Variants in TMEM44 observed in about 807,000 individuals in gnomAD.
The protein encoded by TMEM44 is transmembrane protein 44.
In TMEM44, 43 loss-of-function variants were observed where a neutral mutation model predicts 47.8. That is an observed-to-expected ratio of 0.90 (90% CI 0.70 to 1.16). The LOEUF is 1.16. Ranked by LOEUF, TMEM44 falls within the 50% of genes most tolerant of loss-of-function variation. The pLI is 0.00. For missense variants in TMEM44, 568 were observed against 555.2 expected (o/e 1.02, Z -0.23); for synonymous variants, 277 against 238.8 (o/e 1.16, Z -1.48).
chr3:194,622,899 G>A (rs1577216075), intron 5 of TMEM44: 2 of 257,414 alleles, frequency 7.8e-6, no homozygotes, highest in East Asian at 2.5e-4. Flanking sequence ...CCTGTCCGGT[G>A]TCAAATCTCC....
At chr3:194,598,589 G>A (rs200545049) in intron 9 of TMEM44, among the ~76,000 whole-genome samples, 64,755 of 151,930 alleles carry the variant, frequency 0.43, 14,653 homozygotes, top group East Asian at 0.77. Context: ...GTGCTGGGAA[G>A]CGATAGCCCA....
intron 3 of TMEM44, 90 bp downstream of exon 3, chr3:194,625,807 G>T: frequency 8.4e-7 from 1 of 1,190,186 alleles, no homozygotes; most frequent in Non-Finnish European, 1.2e-6. Context: ...CCTGGCTGGG[G>T]CCCGCTCTGG....
chr3:194,630,973 T>C (rs1302378340), intron 1 of TMEM44, among the ~76,000 whole-genome samples: 6 of 136,560 alleles, frequency 4.4e-5, no homozygotes, highest in Admixed American at 4.4e-4. Flanking sequence ...TCGGCATCAC[T>C]GATAGGGCCT....
intron 5 of TMEM44, chr3:194,617,748 G>C: frequency 1.4e-6 from 1 of 704,000 alleles, no homozygotes; most frequent in Non-Finnish European, 2.6e-6. Context: ...CTCATGTTGA[G>C]TCGTAATCCC....
chr3:194,609,636 C>A (rs566182098), intron 8 of TMEM44, among the ~76,000 whole-genome samples: 1 of 152,114 alleles, frequency 6.6e-6, no homozygotes, highest in Non-Finnish European at 1.5e-5. Flanking sequence ...GAGGACCCCT[C>A]GTGTAGGCCA....
chr3:194,624,304 G>A (rs1381504314), intron 3 of TMEM44, among the ~76,000 whole-genome samples: 1 of 151,060 alleles, frequency 6.6e-6, no homozygotes, highest in African/African-American at 2.4e-5. Flanking sequence ...CTGGGATTCC[G>A]GGTGTAAGCC....
chr3:194,608,968 G>A (rs963347558), intron 8 of TMEM44, among the ~76,000 whole-genome samples: 9 of 152,252 alleles, frequency 5.9e-5, no homozygotes, highest in Admixed American at 3.9e-4. Flanking sequence ...ATGACAGCCA[G>A]GAGGCTGCTG....
At chr3:194,625,729 C>T (rs111631751) in intron 3 of TMEM44, among the ~76,000 whole-genome samples, 168 bp downstream of exon 3, 2,238 of 152,340 alleles carry the variant, frequency 0.015, 56 homozygotes, top group African/African-American at 0.051. Flanking sequence ...ATCTGCCCAC[C>T]TCAGCCTCCC....
rs185063473 is a variant in TMEM44 at position 194,591,886 on chromosome 3, T to C, written c.1177-3247A>G. Among the ~76,000 whole-genome samples the C allele has an allele frequency of 7.2e-3, 1,087 of 151,984 alleles. 13 individuals carry two copies. The highest frequency in any genetic ancestry group is 0.022 in the African/African-American group (931 of 41,490). On this transcript the variant is annotated intron_variant, in intron 9 of 9. Coordinates refer to ENST00000347147, the MANE Select transcript of TMEM44 (RefSeq NM_001011655.3). ...CCTTCCAAAGTGTTGGGATTACAGG[T>C]GTGAGCCAACGTGCCCGGCCTAAAA...
chr3:194,626,750 C>A (rs1717226954), intron 2 of TMEM44, among the ~76,000 whole-genome samples: 1 of 142,574 alleles, frequency 7.0e-6, no homozygotes, highest in African/African-American at 2.6e-5. Context: ...GTGGCGTGAT[C>A]TCGGCTCACT....
chr3:194,617,090 G>A lies in TMEM44; in HGVS notation c.783+9C>T. The A allele has an allele frequency of 1.3e-6, 2 of 1,506,546 alleles. No individual in the cohort carries two copies. Among genetic ancestry groups the A allele is most frequent in the East Asian group, 5.0e-5 (2 of 40,230 alleles). The allele number at this position is 1,506,546 out of a possible 1,614,324, so 93.3% of individuals were successfully genotyped here. A position where few individuals can be genotyped will look rare whatever the true frequency, so the allele number is the denominator to read the frequency against. ...CAAGCAGGGAGCTCCCCAGGCCTGG[G>A]GTGGATACAGCGAGGTCCAGTGCCG... is the stretch of plus-strand genomic sequence containing the variant. On this transcript the variant is annotated intron_variant, in intron 6 of 9. Coordinates refer to ENST00000347147, the MANE Select transcript of TMEM44 (RefSeq NM_001011655.3).
chr3:194,617,123 G>T lies in TMEM44; in HGVS notation c.759C>A (p.Leu253=). ...CAGCGAGGTCCAGTGCCGCACGGCC[G>T]AGGGAGGTCAGGAACCAGGGTGTGG... ...LRATPWFLTS[L]GRAALDLAII... The change falls in exon 6 of 10, where the codon CTC becomes CTA. Residue 253 remains leucine (L), a synonymous_variant. Transcript: ENST00000347147. 6.4e-7 allele frequency: 1 copy of T among 1,556,404 alleles called. No individual in the cohort carries two copies. Among genetic ancestry groups the T allele is most frequent in the Non-Finnish European group, 8.7e-7 (1 of 1,151,070 alleles).
chr3:194,593,031 T>G (rs1712962010), intron 9 of TMEM44: 2 of 1,613,742 alleles, frequency 1.2e-6, no homozygotes, highest in African/African-American at 2.7e-5. Flanking sequence ...AAGAGCATGA[T>G]CGTCCATACC....
chr3:194,593,043 G>A, intron 9 of TMEM44: 1 of 1,613,862 alleles, frequency 6.2e-7, no homozygotes, highest in Non-Finnish European at 8.5e-7. Flanking sequence ...GTCCATACCT[G>A]CTCCGAGTTT....
chr3:194,595,269 C>T (rs1713262156), intron 9 of TMEM44, among the ~76,000 whole-genome samples: 2 of 152,134 alleles, frequency 1.3e-5, no homozygotes, highest in Admixed American at 6.5e-5. Flanking sequence ...CTCCTCAAAC[C>T]ACTGCATACG....
Position 194,615,572 on chromosome 3 carries a change from C to T in TMEM44, c.909G>A (p.Gln303=), listed in dbSNP as rs1715790949. 1 of 1,613,854 alleles carries T rather than the reference C, an allele frequency of 6.2e-7. No individual in the cohort carries two copies. Among genetic ancestry groups the T allele is most frequent in the South Asian group, 1.1e-5 (1 of 91,060 alleles). The change falls in exon 7 of 10, where the codon CAG becomes CAA. Residue 303 remains glutamine, a synonymous_variant. Coordinates refer to ENST00000347147, the MANE Select transcript of TMEM44 (RefSeq NM_001011655.3). ...AGACCTTGTCCTCGTTCCTCACCTC[C>T]TGGTTTTCTTCCTCTTTCTCTGCAC... The part of the protein sequence containing the change: ...LTCAEKEEEN[Q]ENLDWVPLTT...
intron 8 of TMEM44, 22 bp downstream of exon 8, chr3:194,610,894 G>A (rs1049153193): frequency 3.7e-6 from 6 of 1,603,930 alleles, no homozygotes; most frequent in Admixed American, 3.4e-5. Flanking sequence ...CAGACACCTG[G>A]CCATGACCGA....
intron 1 of TMEM44, among the ~76,000 whole-genome samples, chr3:194,632,324 C>CATGT (rs1202076290): frequency 8.5e-5 from 13 of 152,218 alleles, no homozygotes. Context: ...TGAGTGCCTA[C>CATGT]AGGGAGACAG....
At chr3:194,596,379 T>G (rs1459280660) in intron 9 of TMEM44, among the ~76,000 whole-genome samples, 2 of 152,110 alleles carry the variant, frequency 1.3e-5, no homozygotes, top group Non-Finnish European at 2.9e-5. Context: ...GTACAGAAGT[T>G]TTCCAGAGTG....
Sources: gnomAD v4.1 joint callset for allele counts (sites outside exome capture counted in the v4.1 genomes callset) on GRCh38, gnomAD v4.1.1 for gene constraint, MANE v1.5 for transcripts, NCBI Gene and HGNC (gene_info 2026-07-23, HGNC 2026-07-21) for gene names.